PHF12: variants seen among roughly 807,000 people sequenced by gnomAD.
The protein encoded by PHF12 is PHD factor 1.
PHF12 carries 6 observed loss-of-function variants against 99.8 expected under a neutral mutation model. The observed-to-expected ratio is 0.06, with a 90% CI of 0.03 to 0.12. The LOEUF is 0.12. PHF12 is among the 10% of genes least tolerant of loss of function. The pLI, the probability that PHF12 is intolerant of heterozygous loss-of-function variation, is 1.00. For missense variants in PHF12, 954 were observed against 1,300.1 expected (o/e 0.73, Z 4.09); for synonymous variants, 480 against 514.9 (o/e 0.93, Z 0.92).
intron 2 of PHF12, among the ~76,000 whole-genome samples, chr17:28,946,208 C>CA (rs2040720652): frequency 6.6e-6 from 1 of 152,302 alleles, no homozygotes; most frequent in East Asian, 1.9e-4. Flanking sequence ...CCCCTACTAT[C>CA]ACTCTGAATA....
chr17:28,911,525 C>G (rs1458322798), intron 9 of PHF12: 1 of 386,164 alleles, frequency 2.6e-6, no homozygotes, highest in Non-Finnish European at 4.7e-6. Context: ...CCATGACCAC[C>G]TCCCTGCTGC....
In PHF12 at chr17:28,910,212, G is replaced by A. The variant is rs1472498407; in HGVS notation, c.2359+14C>T. 22 of 1,614,092 alleles carry A rather than the reference G, an allele frequency of 1.4e-5. No homozygotes were observed. Among genetic ancestry groups the A allele is most frequent in the Non-Finnish European group, 1.7e-5 (20 of 1,180,048 alleles). ...GAGATCTGATGATGTGGTGACAGGT[G>A]TGTACATGCGCACCTTCTATGTGGT... On this transcript the variant is annotated intron_variant, in intron 11 of 14. Transcript: ENST00000332830.
At position 28,912,772 on chromosome 17, in the gene PHF12, ATGCCGACGG is replaced by A; in HGVS notation, c.1790_1798del (p.Thr597_Gly599del). On this transcript the variant is annotated inframe_deletion, in exon 9 of 15. Coordinates refer to ENST00000332830, the MANE Select transcript of PHF12 (RefSeq NM_001033561.2). ...AGTGGCATTCTCTGTCTTCACAATG[ATGCCGACGG>A]TGTGGTTCTGAAGGCCCCCAGCCGC... 1.9e-6 allele frequency: 3 copies of A among 1,613,794 alleles called. No individual in the cohort carries two copies. Among genetic ancestry groups the A allele is most frequent in the Non-Finnish European group, 1.7e-6 (2 of 1,179,776 alleles).
At position 28,906,653 on chromosome 17, in the gene PHF12, TTGG is replaced by T. The variant is rs1263719249; in HGVS notation, c.2681-139_2681-137del. ...AGGGAGGAAGGATGCTCAGAAAGGG[TTGG>T]TGGAGTCTGAAGTCCCCACAGGTGT... On this transcript the variant is annotated intron_variant, in intron 14 of 14. Coordinates refer to ENST00000332830, the MANE Select transcript of PHF12 (RefSeq NM_001033561.2). This position sits in a 1 kb window ranked among gnomAD's most constrained non-coding sequence, Gnocchi z 4.2. The T allele has an allele frequency of 1.6e-5, 20 of 1,241,426 alleles. No homozygotes were observed. The highest frequency in any genetic ancestry group is 3.0e-5 in the African/African-American group (2 of 66,024). 76.9% of individuals were successfully genotyped at this position (1,241,426 alleles called of 1,614,324 possible). A position where few individuals can be genotyped will look rare whatever the true frequency, so the allele number is the denominator to read the frequency against.
At chr17:28,907,086 T>C in intron 13 of PHF12, 92 bp from the exon 14 acceptor site, 1 of 1,429,180 alleles carries the variant, frequency 7.0e-7, no homozygotes, top group Non-Finnish European at 9.5e-7. Flanking sequence ...GCCGTGCTAC[T>C]CTACCTAGAG....
intron 2 of PHF12, among the ~76,000 whole-genome samples, chr17:28,935,166 G>A (rs2040486504): frequency 6.6e-6 from 1 of 152,218 alleles, no homozygotes; most frequent in African/African-American, 2.4e-5. Flanking sequence ...TTTCACTGCT[G>A]TTGATAAATT....
At chr17:28,910,812 T>G (rs950849502) in intron 10 of PHF12, 1 of 398,626 alleles carries the variant, frequency 2.5e-6, no homozygotes, top group Non-Finnish European at 4.5e-6. Flanking sequence ...TTAGTTTTAT[T>G]CTGCAAATCC....
chr17:28,912,287 C>T (rs2039973505), intron 9 of PHF12, 195 bp downstream of exon 9: 2 of 1,377,264 alleles, frequency 1.5e-6, no homozygotes, highest in East Asian at 5.4e-5. Context: ...GCTTTCAGAG[C>T]CTAAGCAGTC....
intron 2 of PHF12, among the ~76,000 whole-genome samples, chr17:28,942,816 A>C (rs868839774): frequency 1.2e-4 from 19 of 152,102 alleles, no homozygotes; most frequent in South Asian, 4.1e-4. Context: ...ACTCTGTCCC[A>C]AAAAAATAAT....
At chr17:28,944,484 A>C in intron 2 of PHF12, 1 of 980,912 alleles carries the variant, frequency 1.0e-6, no homozygotes, top group African/African-American at 1.7e-5. Flanking sequence ...TCTGAACCTG[A>C]GTTAAAATTG....
chr17:28,907,266 A>T (rs1450504205), intron 13 of PHF12: 1 of 520,436 alleles, frequency 1.9e-6, no homozygotes, highest in Non-Finnish European at 3.4e-6. Flanking sequence ...GCCCGTGATG[A>T]TAATGAAATT....
Position 28,951,367 on chromosome 17 carries a change from G to T in PHF12, c.-407C>A. On this transcript the variant is annotated 5_prime_UTR_variant, in exon 1 of 15. Coordinates refer to ENST00000332830, the MANE Select transcript of PHF12 (RefSeq NM_001033561.2). ...GGTTACGTGAGGTTGTGGTACGTGAGGTGACTGGGGGGAGGGTGATGGGGG... is the reference window on the plus strand; with the variant it reads ...GGTTACGTGAGGTTGTGGTACGTGATGTGACTGGGGGGAGGGTGATGGGGG... 1 of 991,658 alleles carries T rather than the reference G, an allele frequency of 1.0e-6. No individual in the cohort carries two copies. Among genetic ancestry groups the T allele is most frequent in the Non-Finnish European group, 1.2e-6 (1 of 832,502 alleles). 61.4% of individuals were successfully genotyped at this position (991,658 alleles called of 1,614,324 possible). A position where few individuals can be genotyped will look rare whatever the true frequency, so the allele number is the denominator to read the frequency against.
intron 2 of PHF12, among the ~76,000 whole-genome samples, chr17:28,948,906 C>T (rs549552282): frequency 6.6e-5 from 10 of 152,260 alleles, no homozygotes; most frequent in Admixed American, 5.2e-4. Context: ...TAGAACAAGA[C>T]GAAATCTGGG....
In PHF12 at chr17:28,905,967, T is replaced by C. The variant is rs1299126947; in HGVS notation, c.*216A>G. 3.0e-5 allele frequency: 15 copies of C among 500,220 alleles called. No individual in the cohort carries two copies. The highest frequency in any genetic ancestry group is 1.2e-4 in the Admixed American group (3 of 25,918). 31.0% of individuals were successfully genotyped at this position (500,220 alleles called of 1,614,324 possible). ...AGGTCTGCCGCTTTCCCATGAAATG[T>C]TGAGTACAAATATATGTGCAAATGC... On this transcript the variant is annotated 3_prime_UTR_variant, in exon 15 of 15. Transcript: ENST00000332830.
chr17:28,944,307 C>T (rs982996874), intron 2 of PHF12, among the ~76,000 whole-genome samples: 1 of 152,154 alleles, frequency 6.6e-6, no homozygotes, highest in East Asian at 1.9e-4. Context: ...TTGGGACAGG[C>T]CTTAAGTGAA....
In PHF12 at chr17:28,926,714, G is replaced by A; in HGVS notation, c.321+277C>T. 3 of 1,262,608 alleles carry A rather than the reference G, an allele frequency of 2.4e-6. No individual in the cohort carries two copies. In the African/African-American group the frequency reaches 4.5e-5, roughly 19 times the overall value. 78.2% of individuals were successfully genotyped at this position (1,262,608 alleles called of 1,614,324 possible). On this transcript the variant is annotated intron_variant, in intron 3 of 14. Coordinates refer to ENST00000332830, the MANE Select transcript of PHF12 (RefSeq NM_001033561.2). Reference sequence around the variant, plus strand: ...AGCCATGGATAAGGCCACTTATTAGGAGGACAACAAGAAGGTAAGACTACT... The same window carrying A: ...AGCCATGGATAAGGCCACTTATTAGAAGGACAACAAGAAGGTAAGACTACT...
chr17:28,928,263 C>G (rs2040322338), intron 2 of PHF12: 1 of 152,306 alleles, frequency 6.6e-6, no homozygotes, highest in South Asian at 2.1e-4. Context: ...AAAAACCACC[C>G]AGCAGAGCCC....
Position 28,944,587 on chromosome 17 carries a change from C to T in PHF12, c.248+5478G>A, listed in dbSNP as rs1419942488. 5.7e-6 allele frequency: 5 copies of T among 877,926 alleles called. No homozygotes were observed. The Admixed American group carries it at 3.1e-4, about 55-fold the overall frequency. The allele number at this position is 877,926 out of a possible 1,614,324, so 54.4% of individuals were successfully genotyped here. On this transcript the variant is annotated intron_variant, in intron 2 of 14. Transcript: ENST00000332830. ...ACTTGAACCTGGAAGGCGGAGATTG[C>T]AGTGAACTGAGATCACACCAATGCA... is the stretch of plus-strand genomic sequence containing the variant.
At position 28,917,444 on chromosome 17, in the gene PHF12, G is replaced by T; in HGVS notation, c.975C>A (p.Asn325Lys). 1 of 1,605,726 alleles carries T rather than the reference G, an allele frequency of 6.2e-7. No homozygotes were observed. Residue 325 changes from asparagine (N) to lysine (K), a missense_variant, in exon 7 of 15, where the codon AAC (asparagine) becomes AAA (lysine). Around this residue, in one of 8 missense-constraint regions of PHF12, gnomAD observed 85 missense variants for 196.6 expected, o/e 0.43. Transcript: ENST00000332830. Reference protein sequence around the residue: ...CPNHIEHVVLNQKNMTLSNRC... With the variant: ...CPNHIEHVVLKQKNMTLSNRC... ...GATTGCTCAGTGTCATATTCTTCTG[G>T]TTCAGCTAGGGACAAAGCAGACACA... is the stretch of plus-strand genomic sequence containing the variant.
Sources: gnomAD v4.1 joint callset for allele counts (sites outside exome capture counted in the v4.1 genomes callset) on GRCh38, gnomAD v4.1.1 for gene constraint, gnomAD v4.1.1 regional missense constraint, Gnocchi (gnomAD v3.1) non-coding constraint, MANE v1.5 for transcripts, NCBI Gene and HGNC (gene_info 2026-07-23, HGNC 2026-07-21) for gene names.